COX10: variants seen among roughly 807,000 people sequenced by gnomAD.
COX10 encodes the protein protoheme IX farnesyltransferase, mitochondrial.
A neutral mutation model predicts 37.3 loss-of-function variants in COX10; 27 were observed. The observed-to-expected ratio is 0.72, with a 90% CI of 0.53 to 1.00. The LOEUF (loss-of-function observed/expected upper bound fraction) is 1.00. Among genes scored for constraint, COX10 ranks in the 50% least tolerant of loss-of-function variants. The pLI, the probability that COX10 is intolerant of heterozygous loss-of-function variation, is 0.00. For missense variants in COX10, 475 were observed against 563.2 expected, an observed-to-expected ratio of 0.84 and a Z score of 1.59; for synonymous variants, 222 against 229.1, an observed-to-expected ratio of 0.97 and a Z score of 0.28.
chr17:14,203,783 G>A (rs1567614386), intron 6 of COX10, among the ~76,000 whole-genome samples: 1 of 152,150 alleles, frequency 6.6e-6, no homozygotes, highest in Admixed American at 6.5e-5. Flanking sequence ...GTAGCCCCCA[G>A]CTCCCTTTTT....
chr17:14,072,522 G>GT (rs1915049628), intron 1 of COX10, among the ~76,000 whole-genome samples: 1 of 152,104 alleles, frequency 6.6e-6, no homozygotes. Context: ...TGCCTGTCTA[G>GT]TTTTTTGTAT....
intron 6 of COX10, among the ~76,000 whole-genome samples, chr17:14,195,490 A>G (rs1045389503): frequency 2.0e-5 from 3 of 152,246 alleles, no homozygotes; most frequent in Non-Finnish European, 2.9e-5. Context: ...TGTACCTAGT[A>G]GTTACACTAT....
At chr17:14,176,506 G>T (rs1402872816) in intron 5 of COX10, among the ~76,000 whole-genome samples, 3 of 152,186 alleles carry the variant, frequency 2.0e-5, no homozygotes, top group Non-Finnish European at 4.4e-5. Flanking sequence ...AGGCAGAATG[G>T]TTTGAATGCC....
intron 5 of COX10, among the ~76,000 whole-genome samples, chr17:14,183,709 G>A (rs1306532437): frequency 6.6e-6 from 1 of 152,250 alleles, no homozygotes; most frequent in Non-Finnish European, 1.5e-5. Context: ...ATAAATCAGG[G>A]GAAACAATTT....
intron 3 of COX10, among the ~76,000 whole-genome samples, chr17:14,090,174 G>A (rs1301479782): frequency 6.6e-6 from 1 of 151,886 alleles, no homozygotes; most frequent in Non-Finnish European, 1.5e-5. Flanking sequence ...ATCACTCGAG[G>A]GAAGCAAATG....
intron 3 of COX10, 133 bp from the exon 4 acceptor site, chr17:14,101,985 G>T (rs1180523264): frequency 9.1e-7 from 1 of 1,099,106 alleles, no homozygotes; most frequent in East Asian, 2.4e-5. Context: ...TTAAGCCAAA[G>T]ATCAGCCTGT....
intron 4 of COX10, among the ~76,000 whole-genome samples, chr17:14,129,501 T>C (rs1420302544): frequency 6.6e-6 from 1 of 152,216 alleles, no homozygotes; most frequent in African/African-American, 2.4e-5. Context: ...AGTATTTATG[T>C]CTTTTGTAAT....
intron 4 of COX10, among the ~76,000 whole-genome samples, chr17:14,147,174 A>G (rs1330746277): frequency 2.6e-5 from 4 of 151,224 alleles, no homozygotes; most frequent in Admixed American, 2.6e-4. Context: ...GGAAATCAGT[A>G]TATGGAAGAG....
intron 5 of COX10, among the ~76,000 whole-genome samples, chr17:14,181,783 C>T (rs930850493): frequency 1.3e-5 from 2 of 152,102 alleles, no homozygotes; most frequent in Admixed American, 6.5e-5. Context: ...ATTAGAAAAA[C>T]ATACTAAGAG....
chr17:14,135,468 G>C (rs1200660616), intron 4 of COX10, among the ~76,000 whole-genome samples: 1 of 151,798 alleles, frequency 6.6e-6, no homozygotes. Context: ...GCAGATGCTT[G>C]TCTCCACTCC....
intron 5 of COX10, among the ~76,000 whole-genome samples, chr17:14,188,092 C>CCTT (rs1372416958): frequency 8.7e-5 from 11 of 126,748 alleles, no homozygotes; most frequent in South Asian, 2.7e-4. Context: ...GAGTAAACAA[C>CCTT]CTTCTTCTTC....
At chr17:14,168,172 C>T (rs576150177) in intron 5 of COX10, among the ~76,000 whole-genome samples, 6 of 152,302 alleles carry the variant, frequency 3.9e-5, no homozygotes, top group African/African-American at 1.2e-4. Context: ...CATGCATGTC[C>T]GAAACCCAAA....
At chr17:14,194,306 C>T (rs1268080971) in intron 6 of COX10, among the ~76,000 whole-genome samples, 1 of 152,148 alleles carries the variant, frequency 6.6e-6, no homozygotes. Flanking sequence ...AGTTGCCTCC[C>T]CGGAGGCTAG....
At chr17:14,141,803 T>C (rs1318177956) in intron 4 of COX10, among the ~76,000 whole-genome samples, 1 of 152,208 alleles carries the variant, frequency 6.6e-6, no homozygotes, top group Non-Finnish European at 1.5e-5. Context: ...GATTGTTGTT[T>C]AATGTTTCAT....
intron 5 of COX10, chr17:14,179,214 G>C (rs1200726311): frequency 1.0e-6 from 1 of 982,074 alleles, no homozygotes; most frequent in Non-Finnish European, 1.2e-6. Context: ...AGAAGACAGA[G>C]AGATGTAGAC....
At chr17:14,089,616 C>T (rs1262497129) in intron 3 of COX10, among the ~76,000 whole-genome samples, 1 of 152,250 alleles carries the variant, frequency 6.6e-6, no homozygotes, top group African/African-American at 2.4e-5. Context: ...TCTCTCACTT[C>T]TTGTTGCATT....
intron 4 of COX10, among the ~76,000 whole-genome samples, chr17:14,141,529 CAAA>C (rs71147842): frequency 3.9e-4 from 26 of 67,512 alleles, no homozygotes; most frequent in Non-Finnish European, 5.2e-4. Flanking sequence ...GTCCCTGTCT[CAAA>C]AAAAAAAAAA....
chr17:14,199,099 G>C (rs75031196), intron 6 of COX10, among the ~76,000 whole-genome samples: 5 of 151,636 alleles, frequency 3.3e-5, no homozygotes, highest in African/African-American at 9.7e-5. Context: ...ACGAAAGAAC[G>C]TACTAGAAAT....
chr17:14,113,109 A>G (rs1313332894), intron 4 of COX10, among the ~76,000 whole-genome samples: 1 of 152,156 alleles, frequency 6.6e-6, no homozygotes, highest in Non-Finnish European at 1.5e-5. Context: ...CGTCCGAACT[A>G]CAGGATCTTC....
Sources: allele counts gnomAD v4.1 joint callset (sites outside exome capture counted in the v4.1 genomes callset), GRCh38; gene constraint gnomAD v4.1.1; transcripts MANE v1.5; gene names NCBI Gene and HGNC (gene_info 2026-07-23, HGNC 2026-07-21).